The following CELSR2 variants were observed in gnomAD, a reference collection of about 807,000 sequenced individuals.
The protein encoded by CELSR2 is EGF-like protein 2.
A neutral mutation model predicts 251.6 loss-of-function variants in CELSR2; 81 were observed. The observed-to-expected ratio is 0.32, with a 90% CI of 0.27 to 0.39. CELSR2 has a LOEUF of 0.39. Among genes scored for constraint, CELSR2 ranks in the 10% least tolerant of loss-of-function variants. The probability of loss-of-function intolerance (pLI) is 1.00; values close to 1 mark genes in which losing one functional copy is unlikely to be tolerated. For missense variants in CELSR2, 3,365 were observed against 3,947.7 expected, an observed-to-expected ratio of 0.85 and a Z score of 3.96; for synonymous variants, 1,721 against 1,670.5, an observed-to-expected ratio of 1.03 and a Z score of -0.74.
chr1:109,252,198 A>ATCCGACG lies in CELSR2; in HGVS notation c.2119_2120insTCCGACG (p.Thr707IlefsTer18). 6.2e-7 allele frequency: 1 copy of ATCCGACG among 1,613,672 alleles called. No homozygotes were observed. Among genetic ancestry groups the ATCCGACG allele is most frequent in the East Asian group, 2.2e-5 (1 of 44,874 alleles). ...TGTGGTGAATGTCACCGACGCCAACACCCATCGTCCTGTCTTTCAGAGCTC... is the reference window on the plus strand; with the variant it reads ...TGTGGTGAATGTCACCGACGCCAACATCCGACGCCCATCGTCCTGTCTTTCAGAGCTC... On this transcript the variant is annotated frameshift_variant, in exon 1 of 34. Transcript: ENST00000271332. LOFTEE classifies it high-confidence loss of function. The surrounding 1 kb of genome is among the most constrained non-coding windows in gnomAD (Gnocchi z 4.8).
At position 109,274,096 on chromosome 1, in the gene CELSR2, C is replaced by T. The variant is rs770803493; in HGVS notation, c.*47C>T. The T allele has an allele frequency of 9.9e-6, 16 of 1,613,692 alleles. No individual in the cohort carries two copies. The Admixed American group carries it at 2.2e-4, about 22-fold the overall frequency. ...CCCGAGGCTCCCTTCCCTTCCCCAG[C>T]CGCACTCATGCCCTGCTCCTGTCTT... On this transcript the variant is annotated 3_prime_UTR_variant, in exon 34 of 34. Transcript: ENST00000271332.
chr1:109,263,276 G>A lies in CELSR2; in HGVS notation c.4834+9G>A. 1 of 1,566,704 alleles carries A rather than the reference G, an allele frequency of 6.4e-7. No homozygotes were observed. Among genetic ancestry groups the A allele is most frequent in the Admixed American group, 1.8e-5 (1 of 55,884 alleles). ...CAAGAGCTGCGCCCAGGGTAGGAGG[G>A]GCGGCTGTTAGAGGCCACAGCCTGG... On this transcript the variant is annotated intron_variant, in intron 8 of 33. Coordinates refer to ENST00000271332, the MANE Select transcript of CELSR2 (RefSeq NM_001408.3).
Position 109,253,223 on chromosome 1 carries a change from A to T in CELSR2, c.3144A>T (p.Arg1048=). ...GCTTCCCTGGGGGTGCCATTGGCCG[A>T]GTACCTGCCCATGACCCTGATATCT... ...SSSFPGGAIG[R]VPAHDPDISD... The change falls in exon 1 of 34, where the codon CGA becomes CGT. Residue 1048 remains arginine, a synonymous_variant. Coordinates refer to ENST00000271332, the MANE Select transcript of CELSR2 (RefSeq NM_001408.3). The T allele has an allele frequency of 6.2e-7, 1 of 1,613,506 alleles. No homozygotes were observed. Among genetic ancestry groups the T allele is most frequent in the Non-Finnish European group, 8.5e-7 (1 of 1,180,036 alleles).
chr1:109,258,456 A>C lies in CELSR2; in HGVS notation c.3335A>C (p.Gln1112Pro). 6.3e-7 allele frequency: 1 copy of C among 1,598,634 alleles called. No individual in the cohort carries two copies. Among genetic ancestry groups the C allele is most frequent in the South Asian group, 1.1e-5 (1 of 88,734 alleles). ...GACGGCGTACACAGCGTGACCGCCC[A>C]GTGCGCGCTGCGTGTGACCATCATC... ...VSDGVHSVTAQCALRVTIITD... is the reference protein window; with the variant it reads ...VSDGVHSVTAPCALRVTIITD... The change falls in exon 2 of 34, where the codon CAG (glutamine) becomes CCG (proline). Residue 1112 changes from glutamine (Q) to proline (P), a missense_variant. Gln to Pro is a moderately conservative substitution (Grantham distance 76). This residue lies in a region of CELSR2 where 505 missense variants were observed against 660.0 expected (regional missense o/e 0.77). Transcript: ENST00000271332.
chr1:109,272,538 T>A, intron 29 of CELSR2, 102 bp from the exon 30 acceptor site: 1 of 1,487,552 alleles, frequency 6.7e-7, no homozygotes, highest in Non-Finnish European at 9.2e-7. Flanking sequence ...TTAGAAGCTG[T>A]AAGGGACCCA....
chr1:109,260,179 T>G (rs1035702395), intron 2 of CELSR2, among the ~76,000 whole-genome samples: 856 of 14,246 alleles, frequency 0.06, no homozygotes, highest in Middle Eastern at 0.11. Flanking sequence ...GTGGGGGGGG[T>G]TGGGAGGGGG....
In CELSR2 at chr1:109,268,695, G is replaced by A. The variant is rs745590762; in HGVS notation, c.6433G>A (p.Ala2145Thr). ...GCTGCTCCAGCACTATGAGGCCTACGCCAGTGCCCTGGCCCAGAACATGCG... is the reference window on the plus strand; with the variant it reads ...GCTGCTCCAGCACTATGAGGCCTACACCAGTGCCCTGGCCCAGAACATGCG... The part of the protein sequence containing the change: ...AWLLQHYEAY[A>T]SALAQNMRHT... Residue 2145 changes from alanine to threonine, a missense_variant, in exon 18 of 34, where the codon GCC (alanine) becomes ACC (threonine). Coordinates refer to ENST00000271332, the MANE Select transcript of CELSR2 (RefSeq NM_001408.3). The A allele has an allele frequency of 9.9e-6, 16 of 1,613,788 alleles. No individual in the cohort carries two copies. Among genetic ancestry groups the A allele is most frequent in the South Asian group, 3.3e-5 (3 of 91,066 alleles).
In CELSR2 at chr1:109,274,003, T is replaced by C; in HGVS notation, c.8745-19T>C. 1 of 1,614,040 alleles carries C rather than the reference T, an allele frequency of 6.2e-7. No individual in the cohort carries two copies. The highest frequency in any genetic ancestry group is 8.5e-7 in the Non-Finnish European group (1 of 1,179,936). On this transcript the variant is annotated intron_variant, in intron 33 of 33. Transcript: ENST00000271332. ...CCTCTGTCTGCCTTTTCTGCCACTT[T>C]CCTTTCCTGCCTCTCCAGATTTCTC... is the stretch of plus-strand genomic sequence containing the variant.
rs746194911 is a variant in CELSR2, at chr1:109,265,275, A to G, written c.5691A>G (p.Pro1897=). The change falls in exon 13 of 34, where the codon CCA becomes CCG. Residue 1897 remains proline, a synonymous_variant. Transcript: ENST00000271332. The part of the protein sequence containing the change: ...CNCDVSKGFD[P]DCNKTSGECH... Reference sequence around the variant, plus strand: ...GTGATGTCAGCAAAGGCTTTGACCCAGACTGCAACAAGACAAGCGGCGAGT... The same window carrying G: ...GTGATGTCAGCAAAGGCTTTGACCCGGACTGCAACAAGACAAGCGGCGAGT... 6.2e-7 allele frequency: 1 copy of G among 1,612,170 alleles called. No individual in the cohort carries two copies. The highest frequency in any genetic ancestry group is 1.7e-5 in the Admixed American group (1 of 59,684).
At position 109,261,872 on chromosome 1, in the gene CELSR2, G is replaced by T; in HGVS notation, c.4362G>T (p.Thr1454=). ...GAGTCAGTGATGGCCAGTGGCATAC[G>T]GTGCAGCTGAAATACTACAATAAGG... ...PGGVSDGQWH[T]VQLKYYNKPL... The change falls in exon 5 of 34, where the codon ACG becomes ACT. Residue 1454 remains threonine (T), a synonymous_variant. Coordinates refer to ENST00000271332, the MANE Select transcript of CELSR2 (RefSeq NM_001408.3). The surrounding 1 kb of genome is among the most constrained non-coding windows in gnomAD (Gnocchi z 4.8). 1 of 1,587,310 alleles carries T rather than the reference G, an allele frequency of 6.3e-7. No individual in the cohort carries two copies. Among genetic ancestry groups the T allele is most frequent in the South Asian group, 1.1e-5 (1 of 87,656 alleles).
rs1248521410 is a variant in CELSR2 at position 109,270,123 on chromosome 1, C to T, written c.7298C>T (p.Ala2433Val). 1 of 1,613,890 alleles carries T rather than the reference C, an allele frequency of 6.2e-7. No individual in the cohort carries two copies. ...QLVFLLGINQ[A>V]DLPFACTVIA... ...GTCTTCCTCCTGGGAATCAACCAGG[C>T]TGACCTCCCTGTAAGATGCTCCTAC... is the stretch of plus-strand genomic sequence containing the variant. Residue 2433 changes from alanine to valine, a missense_variant, in exon 23 of 34, where the codon GCT becomes GTT. Ala to Val is a moderately conservative substitution (Grantham distance 64). This residue lies in a region of CELSR2 where 2,093 missense variants were observed against 2,382.8 expected (regional missense o/e 0.88). Transcript: ENST00000271332.
At chr1:109,270,344 C>A (rs1440899679) in intron 23 of CELSR2, 82 bp from the exon 24 acceptor site, 1 of 1,494,706 alleles carries the variant, frequency 6.7e-7, no homozygotes, top group South Asian at 1.2e-5. Context: ...AACACCCAGG[C>A]CCTCCTCCAT....
rs1219860830 is a variant in CELSR2, at chr1:109,257,734, C to T, written c.3311-698C>T. ...CTTCCGGTCCCCCACCCCGACTCAC[C>T]CTGTCTCCAGCATGGGGCAGTGGGT... On this transcript the variant is annotated intron_variant, in intron 1 of 33. Transcript: ENST00000271332. Among the ~76,000 whole-genome samples the T allele has an allele frequency of 2.0e-5, 3 of 152,252 alleles. No homozygotes were observed. The South Asian group carries it at 6.2e-4, about 32-fold the overall frequency.
rs762667468 is a variant in CELSR2, at chr1:109,252,686, G to A, written c.2607G>A (p.Thr869=). The A allele has an allele frequency of 5.5e-5, 88 of 1,613,840 alleles. No individual in the cohort carries two copies. The highest frequency in any genetic ancestry group is 3.3e-4 in the East Asian group (15 of 44,902). Residue 869 remains threonine, a synonymous_variant, in exon 1 of 34, where the codon ACG becomes ACA. Coordinates refer to ENST00000271332, the MANE Select transcript of CELSR2 (RefSeq NM_001408.3). The surrounding 1 kb of genome is among the most constrained non-coding windows in gnomAD (Gnocchi z 4.8). The part of the protein sequence containing the change: ...DGDGDFIVES[T]SGIVRTLRRL... ...ACGGTGACTTTATTGTTGAGTCCACGTCAGGCATCGTGCGAACGCTACGGA... is the reference window on the plus strand; with the variant it reads ...ACGGTGACTTTATTGTTGAGTCCACATCAGGCATCGTGCGAACGCTACGGA...
At position 109,250,258 on chromosome 1, in the gene CELSR2, C is replaced by T. The variant is rs1655643569; in HGVS notation, c.179C>T (p.Ser60Phe). The T allele has an allele frequency of 5.0e-6, 8 of 1,611,880 alleles. No homozygotes were observed. The highest frequency in any genetic ancestry group is 1.3e-5 in the African/African-American group (1 of 74,880). Reference protein sequence around the residue: ...ACAPMGWLCPSSASNLWLYTS... With the variant: ...ACAPMGWLCPFSASNLWLYTS... Reference sequence around the variant, plus strand: ...GCCCCCATGGGCTGGCTCTGTCCATCCTCAGCGTCGAACCTCTGGCTCTAC... The same window carrying T: ...GCCCCCATGGGCTGGCTCTGTCCATTCTCAGCGTCGAACCTCTGGCTCTAC... Residue 60 changes from serine to phenylalanine, a missense_variant, in exon 1 of 34, where the codon TCC (serine) becomes TTC (phenylalanine). This residue lies in a region of CELSR2 where 704 missense variants were observed against 784.1 expected (regional missense o/e 0.90). Coordinates refer to ENST00000271332, the MANE Select transcript of CELSR2 (RefSeq NM_001408.3). This position sits in a 1 kb window ranked among gnomAD's most constrained non-coding sequence, Gnocchi z 4.4.
chr1:109,252,569 C>A lies in CELSR2; in HGVS notation c.2490C>A (p.Pro830=). 1 of 1,613,920 alleles carries A rather than the reference C, an allele frequency of 6.2e-7. No individual in the cohort carries two copies. Among genetic ancestry groups the A allele is most frequent in the Non-Finnish European group, 8.5e-7 (1 of 1,180,044 alleles). Residue 830 remains proline, a synonymous_variant, in exon 1 of 34, where the codon CCC becomes CCA. Coordinates refer to ENST00000271332, the MANE Select transcript of CELSR2 (RefSeq NM_001408.3). This position sits in a 1 kb window ranked among gnomAD's most constrained non-coding sequence, Gnocchi z 4.8. ...YQGSVYEDVP[P]FTSVLQISAT... Reference sequence around the variant, plus strand: ...GCAGTGTCTATGAGGATGTGCCACCCTTCACTAGCGTCCTGCAGATCTCAG... The same window carrying A: ...GCAGTGTCTATGAGGATGTGCCACCATTCACTAGCGTCCTGCAGATCTCAG...
At position 109,264,952 on chromosome 1, in the gene CELSR2, C is replaced by T. The variant is rs1415821503; in HGVS notation, c.5549C>T (p.Pro1850Leu). 1 of 1,614,190 alleles carries T rather than the reference C, an allele frequency of 6.2e-7. No individual in the cohort carries two copies. The highest frequency in any genetic ancestry group is 2.2e-5 in the East Asian group (1 of 44,888). ...QSVCTRKPSAPHGYTCECPPN... is the reference protein window; with the variant it reads ...QSVCTRKPSALHGYTCECPPN... ...GTGTGTACCCGCAAGCCCAGTGCCCCCCATGGCTATACCTGCGAGTGTCCC... is the reference window on the plus strand; with the variant it reads ...GTGTGTACCCGCAAGCCCAGTGCCCTCCATGGCTATACCTGCGAGTGTCCC... The change falls in exon 12 of 34, where the codon CCC (proline) becomes CTC (leucine). Residue 1850 changes from proline (P) to leucine (L), a missense_variant. Physicochemically the swap from Pro to Leu is moderately conservative, Grantham distance 98 (BLOSUM62 -3). This residue lies in a region of CELSR2 where 2,093 missense variants were observed against 2,382.8 expected (regional missense o/e 0.88). Transcript: ENST00000271332.
intron 15 of CELSR2, 99 bp from the exon 16 acceptor site, chr1:109,267,449 G>T: frequency 9.3e-7 from 1 of 1,073,546 alleles, no homozygotes; most frequent in South Asian, 1.5e-5. Context: ...TACTGTCCCC[G>T]GCCCATGAGG....
chr1:109,258,647 C>G lies in CELSR2; in HGVS notation c.3526C>G (p.Pro1176Ala). ...VFNVQRDTDA[P>A]GGHILNVSLS... is the part of the protein sequence containing the mutation. ...CAACGTACAGCGGGACACCGACGCCCCCGGGGGCCACATCCTCAACGTGAG... is the reference window on the plus strand; with the variant it reads ...CAACGTACAGCGGGACACCGACGCCGCCGGGGGCCACATCCTCAACGTGAG... Residue 1176 changes from proline to alanine, a missense_variant, in exon 2 of 34, where the codon CCC becomes GCC. Pro to Ala is a conservative substitution (Grantham distance 27, BLOSUM62 -1). Transcript: ENST00000271332. 3.2e-6 allele frequency: 5 copies of G among 1,551,376 alleles called. No homozygotes were observed. The highest frequency in any genetic ancestry group is 4.4e-6 in the Non-Finnish European group (5 of 1,146,738).
Sources: gnomAD v4.1 joint callset for allele counts (sites outside exome capture counted in the v4.1 genomes callset) on GRCh38, gnomAD v4.1.1 for gene constraint, gnomAD v4.1.1 regional missense constraint, Gnocchi (gnomAD v3.1) non-coding constraint, MANE v1.5 for transcripts, NCBI Gene and HGNC (gene_info 2026-07-23, HGNC 2026-07-21) for gene names.